Variants in GALK1 observed in about 807,000 individuals in gnomAD.
The protein encoded by GALK1 is galactokinase.
A neutral mutation model predicts 38.6 loss-of-function variants in GALK1; 30 were observed. That is an observed-to-expected ratio of 0.78 (90% CI 0.58 to 1.05). GALK1 has a LOEUF of 1.05. Ranked by LOEUF, GALK1 falls within the 50% of genes least tolerant of loss-of-function variation. The pLI, the probability that GALK1 is intolerant of heterozygous loss-of-function variation, is 0.00. For missense variants in GALK1, 512 were observed against 540.5 expected (o/e 0.95, Z 0.52); for synonymous variants, 240 against 233.6 (o/e 1.03, Z -0.25).
At chr17:75,758,984 C>T (rs1048380749) in intron 5 of GALK1, among the ~76,000 whole-genome samples, 19 of 152,170 alleles carry the variant, frequency 1.2e-4, no homozygotes, top group Admixed American at 7.2e-4. Context: ...CAGGCTGTCC[C>T]ATCTGACTGG....
At position 75,761,718 on chromosome 17, in the gene GALK1, TA is replaced by T. The variant is rs55872846; in HGVS notation, c.793+985del. 9.7e-3 allele frequency among the ~76,000 whole-genome samples: 1,285 copies of T among 132,310 alleles called. 4 individuals are homozygous for T. The highest frequency in any genetic ancestry group is 0.019 in the Admixed American group (249 of 13,094). 86.8% of individuals were successfully genotyped at this position (132,310 alleles called of 152,430 possible). ...CTGGGTTCTGAGATTATGTTTAGTT[TA>T]AAAAAAAAAAAAAAAGAGACCGGCA... On this transcript the variant is annotated intron_variant, in intron 5 of 7. Coordinates refer to ENST00000588479, the MANE Select transcript of GALK1 (RefSeq NM_000154.2).
At chr17:75,753,489 T>A (rs879820137), downstream of GALK1, among the ~76,000 whole-genome samples, 4 of 152,152 alleles carry the variant, frequency 2.6e-5, no homozygotes, top group Non-Finnish European at 5.9e-5. Context: ...GAGCCCAGAC[T>A]TCCCCCAGGT....
chr17:75,754,619 C>T (rs748715435), downstream of GALK1: 4 of 1,613,978 alleles, frequency 2.5e-6, no homozygotes, highest in Non-Finnish European at 3.4e-6. Context: ...TCCCGGGCAG[C>T]ACCAACTCCC....
At chr17:75,753,958 AC>A (rs2061428442), downstream of GALK1, 3 of 1,263,452 alleles carry the variant, frequency 2.4e-6, no homozygotes, top group Non-Finnish European at 3.0e-6. Context: ...GCAGTGCGAC[AC>A]CCGGGCCCCC....
chr17:75,758,517 C>T lies in GALK1; in HGVS notation c.876G>A (p.Ala292=), dbSNP rs375015389. 3.5e-5 allele frequency: 55 copies of T among 1,583,928 alleles called. No homozygotes were observed. In the African/African-American group the frequency reaches 5.1e-4, roughly 15 times the overall value. ...VGEIRRTAQA[A]AALRRGDYRA... ...TGTAGTCGCCACGTCTCAGGGCGGCCGCTGCCTGGGCCGTGCGCCGAATCT... is the reference window on the plus strand; with the variant it reads ...TGTAGTCGCCACGTCTCAGGGCGGCTGCTGCCTGGGCCGTGCGCCGAATCT... The change falls in exon 6 of 8, where the codon GCG becomes GCA. Residue 292 remains alanine (A), a synonymous_variant. Transcript: ENST00000588479.
At chr17:75,756,646 GCC>G (rs1568387433), downstream of GALK1, 1 of 1,612,606 alleles carries the variant, frequency 6.2e-7, no homozygotes, top group Admixed American at 1.7e-5. Flanking sequence ...CCCCAGAGCT[GCC>G]CCCATCATGC....
At chr17:75,757,133 C>T (rs748712553), downstream of GALK1, 2 of 1,612,850 alleles carry the variant, frequency 1.2e-6, no homozygotes, top group Non-Finnish European at 1.7e-6. Flanking sequence ...TTCCTTCACC[C>T]CCACCCCTCC....
At chr17:75,756,817 A>C, downstream of GALK1, 1 of 1,612,402 alleles carries the variant, frequency 6.2e-7, no homozygotes, top group Non-Finnish European at 8.5e-7. Flanking sequence ...CAATGGGGAT[A>C]TCGTCGGCTA....
downstream of GALK1, chr17:75,757,729 G>A (rs747394929): frequency 5.9e-6 from 5 of 849,096 alleles, no homozygotes; most frequent in Non-Finnish European, 7.6e-6. Context: ...CGTCCTCTGT[G>A]GGCCCAAACC....
chr17:75,764,239 T>G (rs770004015), intron 1 of GALK1, 153 bp from the exon 2 acceptor site: 2 of 833,888 alleles, frequency 2.4e-6, no homozygotes, highest in Non-Finnish European at 4.1e-6. Context: ...GAGGGCCAGC[T>G]GACCTTGGGG....
At chr17:75,759,658 G>T (rs1184981506) in intron 5 of GALK1, among the ~76,000 whole-genome samples, 1 of 152,112 alleles carries the variant, frequency 6.6e-6, no homozygotes, top group African/African-American at 2.4e-5. Context: ...AGGCTGGGGT[G>T]GGGAGGAGGG....
Position 75,763,151 on chromosome 17 carries a change from T to C in GALK1, c.476-2A>G, listed in dbSNP as rs770871380. 1 of 1,611,716 alleles carries C rather than the reference T, an allele frequency of 6.2e-7. No homozygotes were observed. Among genetic ancestry groups the C allele is most frequent in the South Asian group, 1.1e-5 (1 of 91,090 alleles). On this transcript the variant is annotated splice_acceptor_variant, in intron 3 of 7. Transcript: ENST00000588479. LOFTEE classifies it high-confidence loss of function. The stretch of plus-strand genomic sequence containing the variant: ...CGCGGGCAGCTATTGTGCCCGAGTC[T>C]GCAGTACAGGGTGAGGTGGGGAGGC...
chr17:75,757,991 G>C lies in GALK1; in HGVS notation c.*65C>G. Reference sequence around the variant, plus strand: ...CACCCGGATATGGAAGATGGCACCGGGCACAGAGCCGTGGGACTGGCCTGC... The same window carrying C: ...CACCCGGATATGGAAGATGGCACCGCGCACAGAGCCGTGGGACTGGCCTGC... On this transcript the variant is annotated 3_prime_UTR_variant, in exon 8 of 8. Transcript: ENST00000588479. 3 of 1,563,310 alleles carry C rather than the reference G, an allele frequency of 1.9e-6. No homozygotes were observed. The highest frequency in any genetic ancestry group is 2.6e-6 in the Non-Finnish European group (3 of 1,140,078).
rs369392713 is a variant in GALK1, at chr17:75,762,795, G to A, written c.702C>T (p.Ser234=). ...ATTGGCGCCGCCGCACAGGGTACTC[G>A]CTGGAGGCCAGGGAGTGGCGGACAT... ...NSNVRHSLAS[S]EYPVRRRQCE... The change falls in exon 5 of 8, where the codon AGC becomes AGT. Residue 234 remains serine (S), a synonymous_variant. Transcript: ENST00000588479. 6.8e-6 allele frequency: 11 copies of A among 1,613,762 alleles called. No homozygotes were observed. Among genetic ancestry groups the A allele is most frequent in the African/African-American group, 4.0e-5 (3 of 74,938 alleles).
chr17:75,756,639 C>T, downstream of GALK1: 1 of 1,612,940 alleles, frequency 6.2e-7, no homozygotes, highest in Non-Finnish European at 8.5e-7. Flanking sequence ...CCCCCAGCCC[C>T]AGAGCTGCCC....
chr17:75,763,208 G>T, intron 3 of GALK1, 59 bp from the exon 4 acceptor site: 1 of 1,609,954 alleles, frequency 6.2e-7, no homozygotes, highest in South Asian at 1.1e-5. Context: ...TGGCTTCAAT[G>T]ACACTCCAGG....
chr17:75,754,725 CG>C, downstream of GALK1: 1 of 1,614,154 alleles, frequency 6.2e-7, no homozygotes, highest in Non-Finnish European at 8.5e-7. Flanking sequence ...CACCCTCACA[CG>C]GGACTACAAC....
chr17:75,754,512 G>A (rs2061440587), downstream of GALK1: 1 of 1,607,788 alleles, frequency 6.2e-7, no homozygotes, highest in Non-Finnish European at 8.5e-7. Context: ...GCAGGGCCCA[G>A]CCTGCCCCAC....
chr17:75,755,671 C>T (rs371198494), downstream of GALK1: 1 of 1,612,176 alleles, frequency 6.2e-7, no homozygotes, highest in South Asian at 1.1e-5. Context: ...GCCCCTGCAT[C>T]TCTGGCTGAC....
Sources: allele counts gnomAD v4.1 joint callset (sites outside exome capture counted in the v4.1 genomes callset), GRCh38; gene constraint gnomAD v4.1.1; transcripts MANE v1.5; gene names NCBI Gene and HGNC (gene_info 2026-07-23, HGNC 2026-07-21).